Variants in DSCAM observed in about 807,000 individuals in gnomAD.
DSCAM encodes the protein DS cell adhesion molecule, also known as cell adhesion molecule DSCAM.
Under a neutral mutation model 217.7 loss-of-function variants are expected in DSCAM, and 47 were observed. The observed-to-expected ratio is 0.22, with a 90% CI of 0.17 to 0.28. DSCAM has a LOEUF of 0.28. Among genes scored for constraint, DSCAM ranks in the 10% least tolerant of loss-of-function variants. DSCAM has a pLI of 1.00. For missense variants in DSCAM, 2,080 were observed against 2,618.3 expected, an observed-to-expected ratio of 0.79 and a Z score of 4.49; for synonymous variants, 1,056 against 1,015.3, an observed-to-expected ratio of 1.04 and a Z score of -0.76.
At chr21:40,343,845 TATTTTATTTC>T (rs1202302170) in intron 6 of DSCAM, among the ~76,000 whole-genome samples, 1 of 150,584 alleles carries the variant, frequency 6.6e-6, no homozygotes, top group Non-Finnish European at 1.5e-5. Context: ...TATTTATTAT[TATTTTATTTC>T]ATTTTATTTT....
chr21:40,807,725 GT>G (rs1397153612), intron 1 of DSCAM, among the ~76,000 whole-genome samples: 9 of 152,182 alleles, frequency 5.9e-5, no homozygotes, highest in Admixed American at 1.3e-4. Flanking sequence ...CCAGAGAGTG[GT>G]CAAGCTCTGG....
chr21:40,530,253 T>C (rs1254911686), intron 3 of DSCAM, among the ~76,000 whole-genome samples: 1 of 152,220 alleles, frequency 6.6e-6, no homozygotes, highest in Non-Finnish European at 1.5e-5. Context: ...ACCCAGGAAC[T>C]GAAACTCCAT....
intron 3 of DSCAM, among the ~76,000 whole-genome samples, chr21:40,593,332 T>C (rs1411706723): frequency 2.0e-5 from 3 of 151,448 alleles, no homozygotes; most frequent in South Asian, 2.1e-4. Flanking sequence ...TTTTTTTTTT[T>C]CCTCTGTTTT....
intron 11 of DSCAM, among the ~76,000 whole-genome samples, chr21:40,203,196 C>T (rs1422898301): frequency 1.3e-5 from 2 of 152,260 alleles, no homozygotes; most frequent in African/African-American, 4.8e-5. Flanking sequence ...TTGGTACATC[C>T]TTGGCTGCTT....
At chr21:40,682,158 G>A (rs763012192) in intron 3 of DSCAM, among the ~76,000 whole-genome samples, 15 of 150,030 alleles carry the variant, frequency 1.0e-4, no homozygotes, top group Non-Finnish European at 2.2e-4. Context: ...TTGTGGTCAT[G>A]GGGAAGGTTT....
At position 40,013,143 on chromosome 21, in the gene DSCAM, G is replaced by T. The variant is rs1445906235; in HGVS notation, c.5930C>A (p.Ala1977Glu). 6.2e-7 allele frequency: 1 copy of T among 1,613,148 alleles called. No individual in the cohort carries two copies. The highest frequency in any genetic ancestry group is 1.7e-5 in the Admixed American group (1 of 59,956). The change falls in exon 33 of 33, where the codon GCA becomes GAA. Residue 1977 changes from alanine (A) to glutamate (E), a missense_variant. Physicochemically the swap from Ala to Glu is moderately radical, Grantham distance 107 (BLOSUM62 -1). This residue lies in a region of DSCAM where 145 missense variants were observed against 138.5 expected (regional missense o/e 1.05). Transcript: ENST00000400454. ...AVATLPQREGAELGQAAKMSS... is the reference protein window; with the variant it reads ...AVATLPQREGEELGQAAKMSS... ...CATTTTAGCTGCCTGTCCCAGCTCT[G>T]CTCCCTCCCGCTGAGGTAATGTGGC...
intron 3 of DSCAM, among the ~76,000 whole-genome samples, chr21:40,657,587 G>A (rs190378386): frequency 3.3e-5 from 5 of 152,250 alleles, no homozygotes; most frequent in African/African-American, 7.2e-5. Flanking sequence ...TACACCCTTT[G>A]GTGACTTACC....
At chr21:40,028,366 G>A (rs1463980885) in intron 32 of DSCAM, among the ~76,000 whole-genome samples, 1 of 141,076 alleles carries the variant, frequency 7.1e-6, no homozygotes, top group African/African-American at 2.7e-5. Flanking sequence ...TTGAGCTGTG[G>A]TGGGCTCCAC....
At chr21:40,071,037 G>A (rs115684019) in intron 27 of DSCAM, among the ~76,000 whole-genome samples, 1,641 of 152,284 alleles carry the variant, frequency 0.011, 28 homozygotes, top group African/African-American at 0.038. Flanking sequence ...CACACTAACT[G>A]GTGCCAACAG....
At chr21:40,505,645 C>T (rs1299688063) in intron 3 of DSCAM, among the ~76,000 whole-genome samples, 3 of 152,306 alleles carry the variant, frequency 2.0e-5, no homozygotes, top group Non-Finnish European at 4.4e-5. Flanking sequence ...TTTACAGGGA[C>T]TCTTACTAAG....
intron 8 of DSCAM, among the ~76,000 whole-genome samples, chr21:40,315,372 C>G (rs1028061432): frequency 6.6e-6 from 1 of 151,242 alleles, no homozygotes; most frequent in African/African-American, 2.4e-5. Context: ...TCACTGCACT[C>G]CAGCATGGGA....
chr21:40,560,928 A>G (rs1006095998), intron 3 of DSCAM, among the ~76,000 whole-genome samples: 4 of 152,236 alleles, frequency 2.6e-5, no homozygotes, highest in African/African-American at 9.6e-5. Context: ...TTGTCATAGT[A>G]AAGTCAAACC....
intron 19 of DSCAM, among the ~76,000 whole-genome samples, chr21:40,132,214 T>A (rs1265861176): frequency 6.6e-6 from 1 of 152,098 alleles, no homozygotes; most frequent in Admixed American, 6.5e-5. Context: ...CAAGCAGGTG[T>A]TTTCAGACAC....
intron 1 of DSCAM, among the ~76,000 whole-genome samples, chr21:40,730,358 T>C (rs1464659907): frequency 6.6e-6 from 1 of 152,214 alleles, no homozygotes; most frequent in Non-Finnish European, 1.5e-5. Flanking sequence ...TGAGACTTCT[T>C]AAATATTTCC....
intron 27 of DSCAM, among the ~76,000 whole-genome samples, chr21:40,069,918 G>T (rs1485833866): frequency 6.6e-6 from 1 of 152,068 alleles, no homozygotes; most frequent in Non-Finnish European, 1.5e-5. Context: ...CTGGTAATCT[G>T]AAAAAACTGC....
intron 1 of DSCAM, among the ~76,000 whole-genome samples, chr21:40,782,246 A>G (rs1238526729): frequency 6.6e-6 from 1 of 152,006 alleles, no homozygotes; most frequent in African/African-American, 2.4e-5. Flanking sequence ...TCCAAGCCCA[A>G]CTCCAATGGT....
intron 18 of DSCAM, among the ~76,000 whole-genome samples, chr21:40,140,224 G>T (rs1203669827): frequency 6.6e-6 from 1 of 152,064 alleles, no homozygotes; most frequent in South Asian, 2.1e-4. Flanking sequence ...AAGGTTTCTT[G>T]CTTATCTTTC....
intron 3 of DSCAM, among the ~76,000 whole-genome samples, chr21:40,592,278 G>A (rs2076989739): frequency 6.6e-6 from 1 of 152,056 alleles, no homozygotes; most frequent in Non-Finnish European, 1.5e-5. Context: ...GTAACAGTAA[G>A]GATACTTCAA....
In DSCAM at chr21:40,394,935, A is replaced by C. The variant is rs57670508; in HGVS notation, c.509-25690T>G. Among the ~76,000 whole-genome samples, 541 of 152,346 alleles carry C rather than the reference A, an allele frequency of 3.6e-3. 3 individuals carry two copies. The highest frequency in any genetic ancestry group is 0.012 in the African/African-American group (487 of 41,576). On this transcript the variant is annotated intron_variant, in intron 3 of 32. Coordinates refer to ENST00000400454, the MANE Select transcript of DSCAM (RefSeq NM_001389.5). ...AATCCCAGGATCTTTACTGTATGTT[A>C]AATATTTCCCAAGGGAACTCTAAGG...
Sources: gnomAD v4.1 joint callset for allele counts (sites outside exome capture counted in the v4.1 genomes callset) on GRCh38, gnomAD v4.1.1 for gene constraint, gnomAD v4.1.1 regional missense constraint, MANE v1.5 for transcripts, NCBI Gene and HGNC (gene_info 2026-07-23, HGNC 2026-07-21) for gene names.